Variants in MYO1B observed in about 807,000 individuals in gnomAD.
The protein encoded by MYO1B is myosin IB.
Under a neutral mutation model 159.7 loss-of-function variants are expected in MYO1B, and 72 were observed. The ratio of observed to expected loss-of-function variants is 0.45; its 90% CI spans 0.37 to 0.55. The LOEUF (loss-of-function observed/expected upper bound fraction) is 0.55. Ranked by LOEUF, MYO1B falls within the 20% of genes least tolerant of loss-of-function variation. MYO1B has a pLI of 0.00. For missense variants in MYO1B, 1,062 were observed against 1,364.8 expected (o/e 0.78, Z 3.50); for synonymous variants, 468 against 473.8 (o/e 0.99, Z 0.16).
intron 3 of MYO1B, among the ~76,000 whole-genome samples, chr2:191,303,326 C>T (rs913597704): frequency 3.3e-5 from 5 of 151,754 alleles, no homozygotes; most frequent in East Asian, 1.9e-4. Context: ...GGTGTGTGTG[C>T]GTGTGTGTGT....
intron 8 of MYO1B, among the ~76,000 whole-genome samples, chr2:191,361,198 G>C (rs1163841456): frequency 1.3e-5 from 2 of 152,130 alleles, no homozygotes; most frequent in East Asian, 3.8e-4. Flanking sequence ...GGCCAAAGCT[G>C]ATTATTAGGG....
At chr2:191,284,193 A>G (rs1181002184) in intron 2 of MYO1B, among the ~76,000 whole-genome samples, 2 of 152,218 alleles carry the variant, frequency 1.3e-5, no homozygotes, top group African/African-American at 2.4e-5. Context: ...AGTTCGGCAC[A>G]GGGGACACGT....
intron 3 of MYO1B, among the ~76,000 whole-genome samples, chr2:191,329,694 T>C (rs911997781): frequency 2.7e-5 from 4 of 149,608 alleles, no homozygotes; most frequent in African/African-American, 9.8e-5. Context: ...ATAAAGCATA[T>C]CATTAGAGTA....
At chr2:191,406,462 A>G (rs765606671) in intron 24 of MYO1B, among the ~76,000 whole-genome samples, 1 of 152,180 alleles carries the variant, frequency 6.6e-6, no homozygotes, top group Non-Finnish European at 1.5e-5. Context: ...CTAGCTTTCA[A>G]TTTAAAGTAA....
intron 3 of MYO1B, among the ~76,000 whole-genome samples, chr2:191,299,121 A>T (rs547908879): frequency 6.6e-6 from 1 of 152,284 alleles, no homozygotes; most frequent in South Asian, 2.1e-4. Context: ...TTAGAAGTCT[A>T]TTCTAGGTCA....
intron 7 of MYO1B, among the ~76,000 whole-genome samples, chr2:191,355,313 G>A (rs1046355530): frequency 2.0e-4 from 30 of 152,222 alleles, no homozygotes; most frequent in Non-Finnish European, 2.9e-4. Context: ...GCCCACAATC[G>A]TGAGCTAATA....
chr2:191,261,739 G>C (rs764980), intron 1 of MYO1B, among the ~76,000 whole-genome samples: 4 of 152,280 alleles, frequency 2.6e-5, no homozygotes, highest in African/African-American at 9.6e-5. Flanking sequence ...GGGCTCTTTA[G>C]AACCTCACTG....
chr2:191,416,359 A>G, intron 30 of MYO1B, 117 bp downstream of exon 30: 1 of 1,246,230 alleles, frequency 8.0e-7, no homozygotes, highest in East Asian at 2.4e-5. Flanking sequence ...TGTGTCTAGT[A>G]GTTGTTCCAC....
At position 191,424,673 on chromosome 2, in the gene MYO1B, T is replaced by C. The variant is rs1179195592; in HGVS notation, c.*713T>C. The C allele has an allele frequency of 1.3e-5, 2 of 152,290 alleles. No homozygotes were observed. The highest frequency in any genetic ancestry group is 2.4e-5 in the African/African-American group (1 of 41,566). The allele number at this position is 152,290 out of a possible 1,614,324, so 9.4% of individuals were successfully genotyped here. A position where few individuals can be genotyped will look rare whatever the true frequency, so the allele number is the denominator to read the frequency against. ...TGTTTAAAACTCTGGTAATTACTTG[T>C]AACAGTAGAAAATAGAAGTCATTCT... On this transcript the variant is annotated 3_prime_UTR_variant, in exon 31 of 31. Coordinates refer to ENST00000392318, the MANE Select transcript of MYO1B (RefSeq NM_001130158.3).
chr2:191,321,675 T>A lies in MYO1B; in HGVS notation c.252-8260T>A, dbSNP rs533645173. Among the ~76,000 whole-genome samples, 11 of 152,302 alleles carry A rather than the reference T, an allele frequency of 7.2e-5. No individual in the cohort carries two copies. The South Asian group carries it at 2.1e-3, about 29-fold the overall frequency. ...GCTGTCTGCTTCCTCCCAGCCTCTT[T>A]CCTTGCATATGCGTTGGGGTTCAGA... On this transcript the variant is annotated intron_variant, in intron 3 of 30. Coordinates refer to ENST00000392318, the MANE Select transcript of MYO1B (RefSeq NM_001130158.3).
chr2:191,315,190 TCCAC>T (rs942512361), intron 3 of MYO1B, among the ~76,000 whole-genome samples: 23 of 142,004 alleles, frequency 1.6e-4, no homozygotes, highest in Admixed American at 9.3e-4. Flanking sequence ...CATCCATCCA[TCCAC>T]CCATCCATCT....
intron 3 of MYO1B, among the ~76,000 whole-genome samples, chr2:191,299,367 G>A (rs1179252632): frequency 1.3e-5 from 2 of 152,184 alleles, no homozygotes; most frequent in African/African-American, 2.4e-5. Context: ...TGCATCTGAA[G>A]TTGCCAGATC....
At chr2:191,324,284 A>G (rs1354060893) in intron 3 of MYO1B, among the ~76,000 whole-genome samples, 1 of 151,866 alleles carries the variant, frequency 6.6e-6, no homozygotes, top group Admixed American at 6.6e-5. Flanking sequence ...TCATTCAATT[A>G]TTTATTTCTG....
At position 191,258,943 on chromosome 2, in the gene MYO1B, G is replaced by T. The variant is rs774824645; in HGVS notation, c.-10+13317G>T. Among the ~76,000 whole-genome samples, 4 of 152,288 alleles carry T rather than the reference G, an allele frequency of 2.6e-5. No homozygotes were observed. The Middle Eastern group carries it at 0.01, about 388-fold the overall frequency. ...ACCTTTTTGTGTCTCATGGACCCTGGGCTGTAGTACCTGACTATCTTCTGC... is the reference window on the plus strand; with the variant it reads ...ACCTTTTTGTGTCTCATGGACCCTGTGCTGTAGTACCTGACTATCTTCTGC... On this transcript the variant is annotated intron_variant, in intron 1 of 30. Transcript: ENST00000392318.
chr2:191,347,203 T>G (rs983269564), intron 6 of MYO1B, among the ~76,000 whole-genome samples: 2 of 152,188 alleles, frequency 1.3e-5, no homozygotes, highest in African/African-American at 4.8e-5. Flanking sequence ...TAAGGTTATT[T>G]TGTGCTTAAG....
chr2:191,391,082 C>T (rs1034419262), intron 18 of MYO1B, among the ~76,000 whole-genome samples: 2 of 152,220 alleles, frequency 1.3e-5, no homozygotes, highest in African/African-American at 4.8e-5. Context: ...GTGGTGCATC[C>T]CCATGTCCTG....
chr2:191,370,184 A>T (rs1375226845), intron 12 of MYO1B, 43 bp from the exon 13 acceptor site: 1 of 1,332,820 alleles, frequency 7.5e-7, no homozygotes, highest in Non-Finnish European at 1.1e-6. Flanking sequence ...GTAGTGTTAT[A>T]TTTCATGCCT....
At chr2:191,326,445 C>T (rs1032331003) in intron 3 of MYO1B, among the ~76,000 whole-genome samples, 1 of 152,004 alleles carries the variant, frequency 6.6e-6, no homozygotes, top group African/African-American at 2.4e-5. Flanking sequence ...AGTCTGATGA[C>T]ATTTATACTG....
intron 5 of MYO1B, among the ~76,000 whole-genome samples, 198 bp downstream of exon 5, chr2:191,341,763 G>C (rs1335700810): frequency 6.6e-6 from 1 of 152,166 alleles, no homozygotes; most frequent in Non-Finnish European, 1.5e-5. Flanking sequence ...GTTTACTAAT[G>C]TAAAATGGGC....
Sources: gnomAD v4.1 joint callset for allele counts (sites outside exome capture counted in the v4.1 genomes callset) on GRCh38, gnomAD v4.1.1 for gene constraint, MANE v1.5 for transcripts, NCBI Gene and HGNC (gene_info 2026-07-23, HGNC 2026-07-21) for gene names.